CPS1: variants seen among roughly 807,000 people sequenced by gnomAD.
CPS1 encodes the protein carbamoyl-phosphate synthase [ammonia], mitochondrial.
CPS1 carries 109 observed loss-of-function variants against 174.6 expected under a neutral mutation model. That is an observed-to-expected ratio of 0.62 (90% CI 0.53 to 0.73). The LOEUF is 0.73. Ranked by LOEUF, CPS1 falls within the 30% of genes least tolerant of loss-of-function variation. CPS1 has a pLI of 0.00. For synonymous variants in CPS1, 637 were observed against 632.0 expected, an observed-to-expected ratio of 1.01 and a Z score of -0.12; for missense variants, 1,689 against 1,821.9, an observed-to-expected ratio of 0.93 and a Z score of 1.33.
intron 13 of CPS1, among the ~76,000 whole-genome samples, chr2:210,596,661 G>A (rs1028168735): frequency 6.6e-6 from 1 of 151,732 alleles, no homozygotes; most frequent in Admixed American, 6.6e-5. Flanking sequence ...TTTGTATTAT[G>A]CTTTAATTTC....
chr2:210,675,962 T>C, intron 36 of CPS1, 122 bp downstream of exon 36: 1 of 699,776 alleles, frequency 1.4e-6, no homozygotes, highest in East Asian at 2.7e-5. Context: ...ATGAATACAT[T>C]TGTGGATGAT....
chr2:210,638,963 C>G (rs1452551244), intron 22 of CPS1, among the ~76,000 whole-genome samples, 187 bp from the exon 23 acceptor site: 1 of 152,056 alleles, frequency 6.6e-6, no homozygotes, highest in African/African-American at 2.4e-5. Flanking sequence ...ATAACTAGAC[C>G]ACATCACTAT....
At chr2:210,530,056 A>C (rs558574498) in intron 1 of CPS1, among the ~76,000 whole-genome samples, 1 of 152,168 alleles carries the variant, frequency 6.6e-6, no homozygotes, top group African/African-American at 2.4e-5. Context: ...AGTGTAATAT[A>C]ATATCTTGGT....
chr2:210,654,058 G>A lies in CPS1; in HGVS notation c.3514G>A (p.Gly1172Arg), dbSNP rs1489457084. 2.5e-6 allele frequency: 4 copies of A among 1,613,912 alleles called. No homozygotes were observed. The highest frequency in any genetic ancestry group is 3.4e-6 in the Non-Finnish European group (4 of 1,179,918). ...AGTGGTGCTGACAAAATTTGTTGAA[G>A]GGGCCCGAGAAGTAGAAATGGACGC... Reference protein sequence around the residue: ...HPVVLTKFVEGAREVEMDAVG... With the variant: ...HPVVLTKFVERAREVEMDAVG... Residue 1172 changes from glycine (G) to arginine (R), a missense_variant, in exon 29 of 38, where the codon GGG becomes AGG. Gly to Arg is a moderately radical substitution (Grantham distance 125). Coordinates refer to ENST00000233072, the MANE Select transcript of CPS1 (RefSeq NM_001875.5).
At chr2:210,489,929 C>A (rs13397167) in intron 1 of CPS1, among the ~76,000 whole-genome samples, 1 of 143,944 alleles carries the variant, frequency 6.9e-6, no homozygotes, top group African/African-American at 2.6e-5. Flanking sequence ...ACCCGGGAGG[C>A]GGAGCTTGCA....
chr2:210,555,820 A>G (rs1032609973), upstream of CPS1, among the ~76,000 whole-genome samples: 3 of 152,044 alleles, frequency 2.0e-5, no homozygotes, highest in Non-Finnish European at 4.4e-5. Flanking sequence ...GGTTAAGTGA[A>G]TCACTTTTTA....
At chr2:210,495,595 C>T (rs375673907) in intron 1 of CPS1, among the ~76,000 whole-genome samples, 9 of 152,192 alleles carry the variant, frequency 5.9e-5, no homozygotes, top group South Asian at 2.1e-4. Context: ...CAGTTTTTTC[C>T]TGCTTGTTCA....
chr2:210,497,497 G>A (rs1285804072), intron 1 of CPS1, among the ~76,000 whole-genome samples: 2 of 151,974 alleles, frequency 1.3e-5, no homozygotes. Context: ...CCATCTCCCA[G>A]ATACTAAGCA....
rs77459694 is a variant in CPS1, at chr2:210,504,329, C to A, written c.3+26563C>A. On this transcript the variant is annotated intron_variant, in intron 1 of 38. Transcript: ENST00000430249. The stretch of plus-strand genomic sequence containing the variant: ...CCCACAAACAATGCAAAATAAACCA[C>A]CACAAATGCAAGAAAAAAGTCTTTT... 8.5e-3 allele frequency among the ~76,000 whole-genome samples: 1,291 copies of A among 152,280 alleles called. 13 individuals are homozygous for A. Among genetic ancestry groups the A allele is most frequent in the African/African-American group, 0.029 (1,221 of 41,544 alleles).
chr2:210,654,345 G>T (rs896556393), intron 29 of CPS1, among the ~76,000 whole-genome samples: 1 of 152,068 alleles, frequency 6.6e-6, no homozygotes, highest in African/African-American at 2.4e-5. Context: ...TTATCATCCT[G>T]TACTCATCAT....
intron 25 of CPS1, among the ~76,000 whole-genome samples, chr2:210,645,992 C>A (rs939924208): frequency 3.3e-5 from 5 of 152,008 alleles, no homozygotes; most frequent in Non-Finnish European, 7.4e-5. Context: ...ATTTTTAATT[C>A]CTTAAAAAGC....
chr2:210,482,693 A>C (rs963290812), intron 1 of CPS1, among the ~76,000 whole-genome samples: 13 of 152,084 alleles, frequency 8.5e-5, no homozygotes, highest in Non-Finnish European at 1.3e-4. Flanking sequence ...AGAGAGAGAG[A>C]GAGCACAATT....
chr2:210,641,090 C>G (rs1171093958), intron 24 of CPS1, among the ~76,000 whole-genome samples: 1 of 152,088 alleles, frequency 6.6e-6, no homozygotes, highest in Non-Finnish European at 1.5e-5. Context: ...GGCACAACAG[C>G]ACAAAGGGAA....
chr2:210,486,128 ACACACAC>A (rs1559731043), intron 1 of CPS1, among the ~76,000 whole-genome samples: 12 of 102,832 alleles, frequency 1.2e-4, no homozygotes, highest in Non-Finnish European at 2.0e-4. Context: ...ACACACACAC[ACACACAC>A]ACACACACAC....
chr2:210,493,177 T>C (rs980490999), intron 1 of CPS1, among the ~76,000 whole-genome samples: 12 of 152,206 alleles, frequency 7.9e-5, no homozygotes, highest in Non-Finnish European at 1.3e-4. Flanking sequence ...CTCCCTGGAC[T>C]CCTCTCTGTG....
At chr2:210,608,737 A>T (rs1204531682) in intron 19 of CPS1, among the ~76,000 whole-genome samples, 178 bp downstream of exon 19, 2 of 151,906 alleles carry the variant, frequency 1.3e-5, no homozygotes, top group African/African-American at 2.4e-5. Flanking sequence ...AACAGTCTCT[A>T]TGTGATTGTT....
At chr2:210,506,310 T>G (rs796892443) in intron 1 of CPS1, among the ~76,000 whole-genome samples, 2 of 151,916 alleles carry the variant, frequency 1.3e-5, no homozygotes, top group Non-Finnish European at 2.9e-5. Flanking sequence ...CCAACAGACC[T>G]GCAGCTGAGG....
intron 25 of CPS1, 148 bp downstream of exon 25, chr2:210,642,813 A>G (rs1011545178): frequency 1.3e-6 from 1 of 758,330 alleles, no homozygotes; most frequent in Non-Finnish European, 2.1e-6. Flanking sequence ...CTTATTTTGT[A>G]GTAAAACTCT....
intron 1 of CPS1, among the ~76,000 whole-genome samples, chr2:210,549,358 T>A (rs1217160002): frequency 6.6e-6 from 1 of 152,078 alleles, no homozygotes; most frequent in Admixed American, 6.6e-5. Context: ...GATGATTTTT[T>A]TTTACATTTT....
Sources: allele counts gnomAD v4.1 joint callset (sites outside exome capture counted in the v4.1 genomes callset), GRCh38; gene constraint gnomAD v4.1.1; transcripts MANE v1.5; gene names NCBI Gene and HGNC (gene_info 2026-07-23, HGNC 2026-07-21).